PTPRT: variants seen among roughly 807,000 people sequenced by gnomAD.
PTPRT encodes protein tyrosine phosphatase receptor type T, also known as receptor-type tyrosine-protein phosphatase T.
PTPRT carries 56 observed loss-of-function variants against 176.8 expected under a neutral mutation model. The observed-to-expected ratio is 0.32, with a 90% CI of 0.26 to 0.40. The LOEUF is 0.40. PTPRT is among the 10% of genes least tolerant of loss of function. The probability of loss-of-function intolerance (pLI) is 1.00; values close to 1 mark genes in which losing one functional copy is unlikely to be tolerated. For synonymous variants in PTPRT, 783 were observed against 739.0 expected (o/e 1.06, Z -0.96); for missense variants, 1,540 against 1,908.2 (o/e 0.81, Z 3.60).
At chr20:43,005,863 T>C (rs533967081) in intron 1 of PTPRT, among the ~76,000 whole-genome samples, 37 of 152,334 alleles carry the variant, frequency 2.4e-4, no homozygotes, top group Non-Finnish European at 1.2e-4. Flanking sequence ...CAAAGATTAA[T>C]ATCCAAAGAT....
At chr20:42,503,334 T>G (rs889358390) in intron 7 of PTPRT, among the ~76,000 whole-genome samples, 2 of 152,080 alleles carry the variant, frequency 1.3e-5, no homozygotes, top group Admixed American at 6.6e-5. Flanking sequence ...TCCCTGAAAT[T>G]GTGAGTTTAG....
intron 1 of PTPRT, among the ~76,000 whole-genome samples, chr20:43,041,180 TCA>T (rs1986591629): frequency 6.6e-6 from 1 of 152,222 alleles, no homozygotes; most frequent in Admixed American, 6.5e-5. Flanking sequence ...ATGACTTGCT[TCA>T]GACCTGCAGC....
intron 1 of PTPRT, among the ~76,000 whole-genome samples, chr20:42,906,050 G>GTA (rs1254837426): frequency 1.3e-5 from 2 of 151,764 alleles, no homozygotes; most frequent in East Asian, 3.9e-4. Context: ...CATACTTAAA[G>GTA]TATATATATA....
intron 17 of PTPRT, among the ~76,000 whole-genome samples, chr20:42,153,673 G>A (rs1415292137): frequency 6.6e-6 from 1 of 152,056 alleles, no homozygotes; most frequent in African/African-American, 2.4e-5. Flanking sequence ...TACAATTTTG[G>A]GGATCCCCAT....
intron 7 of PTPRT, among the ~76,000 whole-genome samples, chr20:42,514,487 C>T (rs1468843735): frequency 6.6e-6 from 1 of 152,138 alleles, no homozygotes; most frequent in Non-Finnish European, 1.5e-5. Context: ...TCATGATTTA[C>T]TCTAGATACT....
chr20:42,520,716 A>G (rs1418505989), intron 7 of PTPRT, among the ~76,000 whole-genome samples: 1 of 152,006 alleles, frequency 6.6e-6, no homozygotes, highest in African/African-American at 2.4e-5. Context: ...TGGTATTTAG[A>G]AACCAAGATC....
chr20:42,538,912 C>G (rs2072526041), intron 7 of PTPRT, among the ~76,000 whole-genome samples: 1 of 152,170 alleles, frequency 6.6e-6, no homozygotes, highest in Non-Finnish European at 1.5e-5. Context: ...TGCATTTTGG[C>G]AAACTCCTAT....
chr20:42,345,627 T>C (rs1200625003), intron 11 of PTPRT, among the ~76,000 whole-genome samples: 2 of 149,404 alleles, frequency 1.3e-5, no homozygotes, highest in African/African-American at 4.9e-5. Flanking sequence ...TGTATATATA[T>C]GTATGATGCC....
intron 9 of PTPRT, among the ~76,000 whole-genome samples, chr20:42,441,149 C>T (rs999600181): frequency 1.1e-4 from 16 of 152,142 alleles, no homozygotes; most frequent in African/African-American, 3.1e-4. Flanking sequence ...AAGTCTGTTG[C>T]GGGCCTGGGT....
chr20:42,116,085 T>C (rs1291115872), intron 21 of PTPRT: 3 of 724,506 alleles, frequency 4.1e-6, no homozygotes, highest in Non-Finnish European at 7.7e-6. Context: ...TCCCACAGTG[T>C]GTTCCGCTGG....
chr20:42,767,884 C>T (rs1467861935), intron 5 of PTPRT, among the ~76,000 whole-genome samples: 1 of 142,324 alleles, frequency 7.0e-6, no homozygotes, highest in Non-Finnish European at 1.5e-5. Context: ...TATAATTATA[C>T]ATAACTTAGG....
At chr20:42,914,627 A>G (rs1009228881) in intron 1 of PTPRT, among the ~76,000 whole-genome samples, 3 of 152,234 alleles carry the variant, frequency 2.0e-5, no homozygotes, top group Non-Finnish European at 4.4e-5. Context: ...ACATCCTGGA[A>G]CAGCCAAAAC....
chr20:42,097,797 T>C (rs955110035), intron 27 of PTPRT, among the ~76,000 whole-genome samples: 1 of 152,258 alleles, frequency 6.6e-6, no homozygotes, highest in African/African-American at 2.4e-5. Context: ...CACCCCAGAA[T>C]GGCTGCCCTG....
chr20:42,161,494 G>T lies in PTPRT; in HGVS notation c.2540C>A (p.Thr847Asn). Reference sequence around the variant, plus strand: ...AGGGTCACAGGTGCGGTAGGGATGAGTCTGGATCGTGAGGGTGGGCTGGGA... The same window carrying T: ...AGGGTCACAGGTGCGGTAGGGATGATTCTGGATCGTGAGGGTGGGCTGGGA... ...ELSQPTLTIQ[T>N]HPYRTCDPVE... Residue 847 changes from threonine to asparagine, a missense_variant, in exon 17 of 31, where the codon ACT (threonine) becomes AAT (asparagine). Transcript: ENST00000373187. 6 of 1,613,700 alleles carry T rather than the reference G, an allele frequency of 3.7e-6. No homozygotes were observed. The highest frequency in any genetic ancestry group is 4.2e-6 in the Non-Finnish European group (5 of 1,179,756).
intron 11 of PTPRT, among the ~76,000 whole-genome samples, chr20:42,350,073 T>C (rs2145510318): frequency 6.6e-6 from 1 of 152,230 alleles, no homozygotes; most frequent in Middle Eastern, 3.4e-3. Flanking sequence ...TATCTGGCTG[T>C]TACTGGCAGT....
At chr20:42,993,201 A>G in intron 1 of PTPRT, among the ~76,000 whole-genome samples, 1 of 151,864 alleles carries the variant, frequency 6.6e-6, no homozygotes, top group East Asian at 1.9e-4. Context: ...GGTGGATCAC[A>G]CGGTCAAGAG....
intron 18 of PTPRT, among the ~76,000 whole-genome samples, chr20:42,141,161 G>A (rs1212747368): frequency 6.6e-6 from 1 of 152,152 alleles, no homozygotes; most frequent in Non-Finnish European, 1.5e-5. Flanking sequence ...TGCAGGCTCA[G>A]TACCTCCCGA....
intron 7 of PTPRT, among the ~76,000 whole-genome samples, chr20:42,630,754 G>A (rs559170667): frequency 6.6e-6 from 1 of 152,274 alleles, no homozygotes; most frequent in South Asian, 2.1e-4. Context: ...AGGGTTATTA[G>A]CGATTGCCAT....
chr20:42,814,661 T>TGCC (rs1299112618), intron 2 of PTPRT, among the ~76,000 whole-genome samples: 3 of 152,346 alleles, frequency 2.0e-5, no homozygotes, highest in African/African-American at 7.2e-5. Flanking sequence ...CCATCTTTAG[T>TGCC]GCCATGTTTC....
Sources: gnomAD v4.1 joint callset for allele counts (sites outside exome capture counted in the v4.1 genomes callset) on GRCh38, gnomAD v4.1.1 for gene constraint, MANE v1.5 for transcripts, NCBI Gene and HGNC (gene_info 2026-07-23, HGNC 2026-07-21) for gene names.